SPAG5: variants seen among roughly 807,000 people sequenced by gnomAD.
SPAG5 encodes the protein sperm-associated antigen 5.
SPAG5 carries 99 observed loss-of-function variants against 145.4 expected under a neutral mutation model. That is an observed-to-expected ratio of 0.68 (90% CI 0.58 to 0.80). SPAG5 has a LOEUF of 0.80. Ranked by LOEUF, SPAG5 falls within the 30% of genes least tolerant of loss-of-function variation. SPAG5 has a pLI of 0.00. For synonymous variants in SPAG5, 477 were observed against 525.4 expected (o/e 0.91, Z 1.26); for missense variants, 1,192 against 1,416.0 (o/e 0.84, Z 2.54).
At chr17:28,578,553 C>T (rs1300876705) in intron 20 of SPAG5, 25 bp from the exon 21 acceptor site, 3 of 1,609,378 alleles carry the variant, frequency 1.9e-6, no homozygotes, top group East Asian at 2.2e-5. Flanking sequence ...GGAGAGGTGT[C>T]CAATAGGACA....
chr17:28,584,182 T>C lies in SPAG5; in HGVS notation c.2380A>G (p.Lys794Glu), dbSNP rs201725613. ...GTCTCTTTCAGGTCCCGCACCTCTT[T>C]GGCCAGGACAGCTTGTTGCTGCTGC... ...ELQQQQAVLAKEVRDLKETLE... is the reference protein window; with the variant it reads ...ELQQQQAVLAEEVRDLKETLE... Residue 794 changes from lysine (K) to glutamate (E), a missense_variant, in exon 13 of 24, where the codon AAA (lysine) becomes GAA (glutamate). By Grantham distance (56) the Lys-to-Glu change is moderately conservative. Coordinates refer to ENST00000321765, the MANE Select transcript of SPAG5 (RefSeq NM_006461.4). The C allele has an allele frequency of 1.4e-5, 22 of 1,614,118 alleles. No homozygotes were observed. The Admixed American group carries it at 2.2e-4, about 16-fold the overall frequency.
chr17:28,591,895 T>C, intron 3 of SPAG5, 23 bp from the exon 4 acceptor site: 2 of 1,610,048 alleles, frequency 1.2e-6, no homozygotes, highest in Non-Finnish European at 1.7e-6. Flanking sequence ...GAGAAGAACA[T>C]GACGAAAAGA....
chr17:28,577,621 A>G lies in SPAG5; in HGVS notation c.*78T>C, dbSNP rs2070513859. ...AATAGCATTTATCTCAGTTGGCTCT[A>G]TGCCAGTTGGTCTTGGTATTGGGGT... On this transcript the variant is annotated 3_prime_UTR_variant, in exon 24 of 24. Coordinates refer to ENST00000321765, the MANE Select transcript of SPAG5 (RefSeq NM_006461.4). 6.4e-6 allele frequency: 6 copies of G among 932,920 alleles called. No individual in the cohort carries two copies. The South Asian group carries it at 6.5e-5, about 10-fold the overall frequency. 57.8% of individuals were successfully genotyped at this position (932,920 alleles called of 1,614,324 possible).
At chr17:28,593,789 G>T (rs2151523203) in intron 2 of SPAG5, among the ~76,000 whole-genome samples, 1 of 152,062 alleles carries the variant, frequency 6.6e-6, no homozygotes, top group Non-Finnish European at 1.5e-5. Context: ...GGAAGACACA[G>T]ATGATAATCT....
chr17:28,592,581 C>T lies in SPAG5; in HGVS notation c.663G>A (p.Leu221=), dbSNP rs368769840. The part of the protein sequence containing the change: ...SEQLHCSKES[L]SSRTEAVRED... ...CACGCACAGCCTCAGTTCTACTGCT[C>T]AGGCTTTCCTTGGAGCAATGTAGTT... The change falls in exon 3 of 24, where the codon CTG becomes CTA. Residue 221 remains leucine (L), a synonymous_variant. Transcript: ENST00000321765. 11 of 1,614,228 alleles carry T rather than the reference C, an allele frequency of 6.8e-6. No individual in the cohort carries two copies. In the Admixed American group the frequency reaches 8.3e-5, roughly 12 times the overall value.
intron 7 of SPAG5, 104 bp downstream of exon 7, chr17:28,585,760 G>A: frequency 6.2e-7 from 1 of 1,606,022 alleles, no homozygotes; most frequent in Non-Finnish European, 8.5e-7. Flanking sequence ...CCCAGGGCAG[G>A]CAGTTCTTAG....
intron 4 of SPAG5, among the ~76,000 whole-genome samples, chr17:28,588,130 G>A (rs2070598014): frequency 6.6e-6 from 1 of 152,224 alleles, no homozygotes; most frequent in South Asian, 2.1e-4. Flanking sequence ...CCCCAGCAAA[G>A]CAGTTATCAT....
chr17:28,579,991 A>G lies in SPAG5; in HGVS notation c.2797+18T>C. On this transcript the variant is annotated intron_variant, in intron 16 of 23. Transcript: ENST00000321765. ...CAGCGTCACAACTTTCCCACCCCCA[A>G]ATCCCAGGGCCTTTAACCTTCATCT... 6.2e-7 allele frequency: 1 copy of G among 1,600,632 alleles called. No homozygotes were observed. The highest frequency in any genetic ancestry group is 8.6e-7 in the Non-Finnish European group (1 of 1,169,008).
chr17:28,577,642 G>A lies in SPAG5; in HGVS notation c.*57C>T. 1 of 1,200,600 alleles carries A rather than the reference G, an allele frequency of 8.3e-7. No homozygotes were observed. 74.4% of individuals were successfully genotyped at this position (1,200,600 alleles called of 1,614,324 possible). A position where few individuals can be genotyped will look rare whatever the true frequency, so the allele number is the denominator to read the frequency against. On this transcript the variant is annotated 3_prime_UTR_variant, in exon 24 of 24. Coordinates refer to ENST00000321765, the MANE Select transcript of SPAG5 (RefSeq NM_006461.4). ...CTCTATGCCAGTTGGTCTTGGTATT[G>A]GGGTAAGGGGGTATTGCAGGTAAAA...
chr17:28,579,114 C>T (rs755998127), intron 19 of SPAG5, 27 bp downstream of exon 19: 4 of 1,573,808 alleles, frequency 2.5e-6, no homozygotes, highest in Admixed American at 1.7e-5. Flanking sequence ...AGTTCTTCAT[C>T]GCCCCACTTC....
In SPAG5 at chr17:28,585,221, A is replaced by C; in HGVS notation, c.1954-6T>G. On this transcript the variant is annotated splice_region_variant and splice_polypyrimidine_tract_variant and intron_variant, in intron 9 of 23. Transcript: ENST00000321765. ...AAAGCTGTCCATGTTGTATACTACC[A>C]GGGGAAGCAAGCAGGTCAGTAGAGC... 1 of 1,613,854 alleles carries C rather than the reference A, an allele frequency of 6.2e-7. No homozygotes were observed. The highest frequency in any genetic ancestry group is 8.5e-7 in the Non-Finnish European group (1 of 1,179,732).
chr17:28,578,486 G>C lies in SPAG5; in HGVS notation c.3241C>G (p.Arg1081Gly). ...AGCACTTTGGTCTCTGTCTCCGCAC[G>C]CCGAAGTGAGCGGGTAAGGTGGGTC... is the stretch of plus-strand genomic sequence containing the variant. ...EVTHLTRSLR[R>G]AETETKVLQE... Residue 1081 changes from arginine (R) to glycine (G), a missense_variant, in exon 21 of 24, where the codon CGT becomes GGT. Coordinates refer to ENST00000321765, the MANE Select transcript of SPAG5 (RefSeq NM_006461.4). The C allele has an allele frequency of 6.2e-7, 1 of 1,612,446 alleles. No individual in the cohort carries two copies. Among genetic ancestry groups the C allele is most frequent in the Non-Finnish European group, 8.5e-7 (1 of 1,180,032 alleles).
Position 28,586,472 on chromosome 17 carries a change from CCTT to C in SPAG5, c.1462_1464del (p.Lys488del), listed in dbSNP as rs2070586247. On this transcript the variant is annotated inframe_deletion, in exon 5 of 24. Transcript: ENST00000321765. Reference sequence around the variant, plus strand: ...AGGGCCTGTCCCATCTCATGGCTCTCCTTAAGATGCTGAAGTTTATTAGTTATC... The same window carrying C: ...AGGGCCTGTCCCATCTCATGGCTCTCAAGATGCTGAAGTTTATTAGTTATC... 6 of 1,613,920 alleles carry C rather than the reference CCTT, an allele frequency of 3.7e-6. No homozygotes were observed. The African/African-American group carries it at 6.7e-5, about 18-fold the overall frequency.
At chr17:28,596,333 T>C (rs1375988285) in intron 2 of SPAG5, among the ~76,000 whole-genome samples, 2 of 152,212 alleles carry the variant, frequency 1.3e-5, no homozygotes, top group Non-Finnish European at 2.9e-5. Flanking sequence ...TCGATTTCAA[T>C]CTAGTATTCT....
intron 10 of SPAG5, 50 bp downstream of exon 10, chr17:28,585,052 C>G: frequency 6.8e-7 from 1 of 1,472,656 alleles, no homozygotes; most frequent in South Asian, 1.1e-5. Context: ...AATGGTATCA[C>G]ACATTAGGAA....
At chr17:28,594,873 C>G (rs1375924619) in intron 2 of SPAG5, among the ~76,000 whole-genome samples, 1 of 151,360 alleles carries the variant, frequency 6.6e-6, no homozygotes, top group Non-Finnish European at 1.5e-5. Flanking sequence ...GGTGGGAGGA[C>G]TGCTAGAGCT....
At chr17:28,580,521 C>A (rs1023281819) in intron 15 of SPAG5, 1 of 152,854 alleles carries the variant, frequency 6.5e-6, no homozygotes, top group African/African-American at 2.4e-5. Flanking sequence ...AAATTCTTGT[C>A]ATTTGGTTCA....
chr17:28,590,662 A>T (rs2070614175), intron 4 of SPAG5, among the ~76,000 whole-genome samples: 1 of 151,880 alleles, frequency 6.6e-6, no homozygotes, highest in Non-Finnish European at 1.5e-5. Context: ...TGAGGGCAGG[A>T]GTTCGAGACC....
intron 4 of SPAG5, among the ~76,000 whole-genome samples, chr17:28,590,544 T>C (rs1323012027): frequency 6.6e-6 from 1 of 152,036 alleles, no homozygotes; most frequent in Non-Finnish European, 1.5e-5. Context: ...CTTTCCATTC[T>C]GACAGATGTA....
Sources: allele counts gnomAD v4.1 joint callset (sites outside exome capture counted in the v4.1 genomes callset), GRCh38; gene constraint gnomAD v4.1.1; transcripts MANE v1.5; gene names NCBI Gene and HGNC (gene_info 2026-07-23, HGNC 2026-07-21).